The following OR51B5 variants were observed in gnomAD, a reference collection of about 807,000 sequenced individuals.
OR51B5 encodes olfactory receptor 51B5.
For missense variants in OR51B5, 456 were observed against 374.6 expected (o/e 1.22, Z -1.79); for synonymous variants, 186 against 144.8 (o/e 1.28, Z -2.04).
chr11:5,388,243 T>TA (rs1295794361), intron 1 of OR51B5, among the ~76,000 whole-genome samples: 3 of 151,814 alleles, frequency 2.0e-5, no homozygotes, highest in African/African-American at 7.3e-5. Context: ...ATATTAAAAT[T>TA]AAAAAAGAGA....
Position 5,505,360 on chromosome 11 carries a change from G to A in OR51B5, n.84+209C>T, listed in dbSNP as rs183874030. 3.3e-4 allele frequency: 424 copies of A among 1,304,008 alleles called. 1 individual carries two copies. The African/African-American group carries it at 5.5e-3, about 17-fold the overall frequency. 80.8% of individuals were successfully genotyped at this position (1,304,008 alleles called of 1,614,324 possible). A position where few individuals can be genotyped will look rare whatever the true frequency, so the allele number is the denominator to read the frequency against. On this transcript the variant is annotated intron_variant and non_coding_transcript_variant, in intron 1 of 4. Transcript: ENST00000415970. ...GACCCAGAGAACTCACCTCATGAAC[G>A]GAAGAAAATGGAGAGGCAAGACTTT...
At chr11:5,368,775 G>C (rs994423946) in intron 1 of OR51B5, among the ~76,000 whole-genome samples, 1 of 152,138 alleles carries the variant, frequency 6.6e-6, no homozygotes, top group African/African-American at 2.4e-5. Flanking sequence ...CAAAACCTCA[G>C]CATAGGCCTT....
chr11:5,395,729 T>A (rs1181690943), intron 1 of OR51B5, among the ~76,000 whole-genome samples: 1 of 152,198 alleles, frequency 6.6e-6, no homozygotes, highest in Non-Finnish European at 1.5e-5. Flanking sequence ...GTAAAAAAGC[T>A]AAGGTTTAGA....
At chr11:5,440,540 CA>C in intron 1 of OR51B5, 1 of 1,538,934 alleles carries the variant, frequency 6.5e-7, no homozygotes. Context: ...ATCCTTCCTC[CA>C]AAGGAGCTTT....
At chr11:5,396,140 T>C (rs1849866862) in intron 1 of OR51B5, among the ~76,000 whole-genome samples, 1 of 152,190 alleles carries the variant, frequency 6.6e-6, no homozygotes, top group South Asian at 2.1e-4. Flanking sequence ...CACTGCCTAA[T>C]GAAAATGTGC....
chr11:5,354,960 G>C (rs1849165126), intron 1 of OR51B5: 1 of 161,382 alleles, frequency 6.2e-6, no homozygotes, highest in African/African-American at 2.4e-5. Flanking sequence ...GGTCTGGGCA[G>C]GAAGGTGTGA....
Position 5,452,247 on chromosome 11 carries a change from G to A in OR51B5, n.84+53322C>T, listed in dbSNP as rs547213059. On this transcript the variant is annotated intron_variant and non_coding_transcript_variant, in intron 1 of 4. Transcript: ENST00000415970. Reference sequence around the variant, plus strand: ...GGGCCGGGCACGGTGGCTCACGCCTGTAATCCCAGCACTTTGGGAGGCCAA... The same window carrying A: ...GGGCCGGGCACGGTGGCTCACGCCTATAATCCCAGCACTTTGGGAGGCCAA... 7.9e-5 allele frequency among the ~76,000 whole-genome samples: 12 copies of A among 152,244 alleles called. No individual in the cohort carries two copies. In the South Asian group the frequency reaches 2.3e-3, roughly 29 times the overall value.
At chr11:5,475,977 T>C (rs1453691226) in intron 1 of OR51B5, among the ~76,000 whole-genome samples, 1 of 152,244 alleles carries the variant, frequency 6.6e-6, no homozygotes, top group African/African-American at 2.4e-5. Flanking sequence ...GGAGGCTTGA[T>C]TCTTTTTAGA....
chr11:5,428,013 A>G (rs1472451), intron 1 of OR51B5, among the ~76,000 whole-genome samples: 54,241 of 151,872 alleles, frequency 0.36, 11,534 homozygotes, highest in East Asian at 0.71. Flanking sequence ...GAACATGTTC[A>G]TGTATTCTTA....
chr11:5,415,548 AAG>A (rs931948546), intron 1 of OR51B5, among the ~76,000 whole-genome samples: 1 of 152,190 alleles, frequency 6.6e-6, no homozygotes, highest in African/African-American at 2.4e-5. Flanking sequence ...TAAAGAAAAA[AAG>A]AGAGAAGAAT....
intron 1 of OR51B5, among the ~76,000 whole-genome samples, chr11:5,499,015 G>A (rs759612276): frequency 9.9e-5 from 15 of 152,166 alleles, no homozygotes; most frequent in Non-Finnish European, 1.9e-4. Context: ...TTCCGACATG[G>A]GACACATTTG....
chr11:5,351,749 G>A (rs781137740), intron 1 of OR51B5: 1 of 1,613,920 alleles, frequency 6.2e-7, no homozygotes, highest in Non-Finnish European at 8.5e-7. Context: ...ACAGTGCTAG[G>A]TGTTCTGTGG....
intron 1 of OR51B5, among the ~76,000 whole-genome samples, chr11:5,467,499 T>A (rs549589327): frequency 2.0e-5 from 3 of 152,328 alleles, no homozygotes; most frequent in East Asian, 1.9e-4. Context: ...TCCATTGGAG[T>A]TGAGTTATGC....
intron 1 of OR51B5, among the ~76,000 whole-genome samples, chr11:5,488,410 G>A (rs1341264705): frequency 6.6e-6 from 1 of 152,120 alleles, no homozygotes; most frequent in African/African-American, 2.4e-5. Flanking sequence ...TGCAGGATAT[G>A]GAGGGAGATA....
At chr11:5,439,125 T>A (rs1018840049) in intron 1 of OR51B5, among the ~76,000 whole-genome samples, 5 of 151,812 alleles carry the variant, frequency 3.3e-5, no homozygotes, top group African/African-American at 9.7e-5. Flanking sequence ...TCTCTTCCAG[T>A]TCTATTTGCC....
At chr11:5,454,482 CA>C (rs1414689744) in intron 1 of OR51B5, 1 of 1,304,186 alleles carries the variant, frequency 7.7e-7, no homozygotes, top group African/African-American at 1.5e-5. Flanking sequence ...TCATCAGTAG[CA>C]TCGTCATCAT....
At chr11:5,437,163 T>C (rs75349420) in intron 1 of OR51B5, among the ~76,000 whole-genome samples, 9,432 of 152,080 alleles carry the variant, frequency 0.062, 361 homozygotes, top group East Asian at 0.13. Context: ...TTCAACTCCT[T>C]CCTTATAATG....
chr11:5,453,604 T>C (rs1850891932), intron 1 of OR51B5: 3 of 1,613,616 alleles, frequency 1.9e-6, no homozygotes, highest in Non-Finnish European at 2.5e-6. Flanking sequence ...GCTGTGGCCC[T>C]TGGGGGAAAT....
intron 1 of OR51B5, among the ~76,000 whole-genome samples, chr11:5,358,756 C>G (rs994952679): frequency 6.6e-6 from 1 of 152,172 alleles, no homozygotes; most frequent in Non-Finnish European, 1.5e-5. Flanking sequence ...AAAATACTGG[C>G]AAAGCAAATC....
Sources: allele counts gnomAD v4.1 joint callset (sites outside exome capture counted in the v4.1 genomes callset), GRCh38; gene constraint gnomAD v4.1.1; transcripts MANE v1.5; gene names NCBI Gene and HGNC (gene_info 2026-07-23, HGNC 2026-07-21).